NFAM1: variants seen among roughly 807,000 people sequenced by gnomAD.
NFAM1 encodes the protein NFAT activation molecule 1.
NFAM1 carries 17 observed loss-of-function variants against 29.0 expected under a neutral mutation model. The ratio of observed to expected loss-of-function variants is 0.59; its 90% CI spans 0.40 to 0.88. The LOEUF (loss-of-function observed/expected upper bound fraction) is 0.88, where lower values mean the gene tolerates loss of function less well. NFAM1 is among the 40% of genes least tolerant of loss of function. NFAM1 has a pLI of 0.00. For synonymous variants in NFAM1, 175 were observed against 147.2 expected (o/e 1.19, Z -1.36); for missense variants, 324 against 344.6 (o/e 0.94, Z 0.47).
intron 1 of NFAM1, among the ~76,000 whole-genome samples, chr22:42,424,746 G>T (rs536549386): frequency 6.6e-6 from 1 of 151,994 alleles, no homozygotes. Flanking sequence ...TGTCTGGGAG[G>T]GGGGTACAAG....
Position 42,381,948 on chromosome 22 carries a change from C to T in NFAM1, c.*3213G>A, listed in dbSNP as rs1303130155. 6.6e-6 allele frequency: 1 copy of T among 152,398 alleles called. No homozygotes were observed. Among genetic ancestry groups the T allele is most frequent in the Non-Finnish European group, 1.5e-5 (1 of 68,170 alleles). 9.4% of individuals were successfully genotyped at this position (152,398 alleles called of 1,614,324 possible). ...TCACTTAGACTCCTCTGTACTGCCC[C>T]AGAAGCCTATTCCTTCTGAAGGACG... On this transcript the variant is annotated 3_prime_UTR_variant, in exon 6 of 6. Coordinates refer to ENST00000329021, the MANE Select transcript of NFAM1 (RefSeq NM_145912.8).
At chr22:42,391,881 G>T (rs912651233) in intron 4 of NFAM1, among the ~76,000 whole-genome samples, 2 of 146,826 alleles carry the variant, frequency 1.4e-5, no homozygotes, top group Non-Finnish European at 1.5e-5. Context: ...GGAGGCGGAG[G>T]TTGCAGTGAG....
At position 42,407,514 on chromosome 22, in the gene NFAM1, G is replaced by A. The variant is rs572991482; in HGVS notation, c.564+1921C>T. On this transcript the variant is annotated intron_variant, in intron 3 of 5. Coordinates refer to ENST00000329021, the MANE Select transcript of NFAM1 (RefSeq NM_145912.8). ...CTCCCAAGTAGCTGGGATTACAGGC[G>A]CCTACCACCACACCTGGCTAATGTT... is the stretch of plus-strand genomic sequence containing the variant. 4.6e-4 allele frequency among the ~76,000 whole-genome samples: 70 copies of A among 151,878 alleles called. 1 individual carries two copies. Among genetic ancestry groups the A allele is most frequent in the South Asian group, 1.0e-3 (5 of 4,806 alleles).
intron 3 of NFAM1, among the ~76,000 whole-genome samples, chr22:42,406,322 C>T (rs7291931): frequency 0.028 from 4,262 of 152,302 alleles, 204 homozygotes; most frequent in African/African-American, 0.099. Flanking sequence ...TTTGCAGTAG[C>T]TCCTCACTGG....
intron 1 of NFAM1, among the ~76,000 whole-genome samples, chr22:42,427,899 G>T (rs1041054944): frequency 6.6e-6 from 1 of 152,190 alleles, no homozygotes; most frequent in East Asian, 1.9e-4. Flanking sequence ...GCACGGAGCG[G>T]GGCAGTGTCT....
chr22:42,408,413 C>T (rs1043932036), intron 3 of NFAM1, among the ~76,000 whole-genome samples: 2 of 151,962 alleles, frequency 1.3e-5, no homozygotes, highest in African/African-American at 2.4e-5. Context: ...CCAGTGTTCA[C>T]GCCTCACACC....
chr22:42,398,470 T>C (rs1929613508), intron 3 of NFAM1, among the ~76,000 whole-genome samples: 2 of 151,496 alleles, frequency 1.3e-5, no homozygotes, highest in Admixed American at 1.3e-4. Flanking sequence ...TGGGGTGCAA[T>C]GGTGCAATCT....
intron 3 of NFAM1, among the ~76,000 whole-genome samples, chr22:42,404,694 A>G (rs2147102855): frequency 6.6e-6 from 1 of 152,220 alleles, no homozygotes; most frequent in Admixed American, 6.5e-5. Flanking sequence ...AGTCTCTACT[A>G]AAAATACAAA....
In NFAM1 at chr22:42,419,982, C is replaced by A. The variant is rs894241529; in HGVS notation, c.122-8246G>T. Among the ~76,000 whole-genome samples, 3 of 131,098 alleles carry A rather than the reference C, an allele frequency of 2.3e-5. No homozygotes were observed. The highest frequency in any genetic ancestry group is 4.7e-5 in the Non-Finnish European group (3 of 63,930). 86.0% of individuals were successfully genotyped at this position (131,098 alleles called of 152,430 possible). A position where few individuals can be genotyped will look rare whatever the true frequency, so the allele number is the denominator to read the frequency against. ...CTGGGTCCCTTTGAGTCTGTAATCCCACTCTTGGTTTTTTTTTTTTTTTTT... is the reference window on the plus strand; with the variant it reads ...CTGGGTCCCTTTGAGTCTGTAATCCAACTCTTGGTTTTTTTTTTTTTTTTT... On this transcript the variant is annotated intron_variant, in intron 1 of 5. Transcript: ENST00000329021. The surrounding 1 kb of genome is among the most constrained non-coding windows in gnomAD (Gnocchi z 4.5).
rs142332098 is a variant in NFAM1, at chr22:42,409,833, C to T, written c.452-286G>A. 5.3e-5 allele frequency among the ~76,000 whole-genome samples: 8 copies of T among 152,184 alleles called. No individual in the cohort carries two copies. The highest frequency in any genetic ancestry group is 2.1e-4 in the South Asian group (1 of 4,830). On this transcript the variant is annotated intron_variant, in intron 2 of 5. Transcript: ENST00000329021. The surrounding 1 kb of genome is among the most constrained non-coding windows in gnomAD (Gnocchi z 4.9). ...TGTGGGCTGCTTGTAGGGCCCTGAG[C>T]GAGATGTCTCCCCTCTCGGGGCCTC...
chr22:42,437,815 G>T, the NFAM1 span, among the ~76,000 whole-genome samples: 164 of 152,318 alleles, frequency 1.1e-3, 1 homozygote, highest in African/African-American at 3.7e-3. Flanking sequence ...TTCCGGGGGG[G>T]TCCGGTGCAG....
intron 1 of NFAM1, among the ~76,000 whole-genome samples, chr22:42,431,858 C>T (rs1234486892): frequency 7.4e-5 from 11 of 147,676 alleles, no homozygotes; most frequent in Non-Finnish European, 1.5e-5. Context: ...CCAGGTTCAA[C>T]GCAGTGTCCC....
At chr22:42,415,906 C>T (rs997152959) in intron 1 of NFAM1, among the ~76,000 whole-genome samples, 6 of 152,180 alleles carry the variant, frequency 3.9e-5, no homozygotes, top group African/African-American at 9.7e-5. Flanking sequence ...GGCTCCCTGC[C>T]GTGGCAACAT....
intron 4 of NFAM1, among the ~76,000 whole-genome samples, chr22:42,393,054 C>T: frequency 6.6e-6 from 1 of 152,062 alleles, no homozygotes; most frequent in East Asian, 1.9e-4. Context: ...CCCACCTCAG[C>T]CTCCCAAAGA....
At chr22:42,387,639 C>T (rs112522286) in intron 4 of NFAM1, among the ~76,000 whole-genome samples, 5 of 150,896 alleles carry the variant, frequency 3.3e-5, no homozygotes, top group Admixed American at 6.6e-5. Flanking sequence ...CCCTGGTCAT[C>T]GAGCCTGTGC....
intron 1 of NFAM1, among the ~76,000 whole-genome samples, chr22:42,431,861 A>G (rs1346397738): frequency 7.0e-6 from 1 of 143,116 alleles, no homozygotes; most frequent in African/African-American, 2.6e-5. Context: ...GGTTCAACGC[A>G]GTGTCCCCCG....
chr22:42,415,187 G>A (rs1390008891), intron 1 of NFAM1, among the ~76,000 whole-genome samples: 3 of 152,094 alleles, frequency 2.0e-5, no homozygotes, highest in Admixed American at 6.6e-5. Context: ...CAAAAAACCC[G>A]GGGGAGGAGA....
chr22:42,427,325 G>A (rs1332664692), intron 1 of NFAM1, among the ~76,000 whole-genome samples: 4 of 152,074 alleles, frequency 2.6e-5, no homozygotes, highest in African/African-American at 7.2e-5. Context: ...CAACGCTGGA[G>A]AGGAGCCAGG....
intron 3 of NFAM1, among the ~76,000 whole-genome samples, chr22:42,403,750 G>A (rs973081729): frequency 2.0e-5 from 3 of 152,252 alleles, no homozygotes; most frequent in Non-Finnish European, 2.9e-5. Context: ...AACAGGCCGA[G>A]AGGCACCCGG....
Sources: allele counts gnomAD v4.1 joint callset (sites outside exome capture counted in the v4.1 genomes callset), GRCh38; gene constraint gnomAD v4.1.1; non-coding constraint Gnocchi (gnomAD v3.1); transcripts MANE v1.5; gene names NCBI Gene and HGNC (gene_info 2026-07-23, HGNC 2026-07-21).